The following RASA3 variants were observed in gnomAD, a reference collection of about 807,000 sequenced individuals.
RASA3 encodes the protein RAS p21 protein activator 3, also known as ras GTPase-activating protein 3.
Under a neutral mutation model 110.0 loss-of-function variants are expected in RASA3, and 73 were observed. The observed-to-expected ratio is 0.66, with a 90% CI of 0.55 to 0.81. The LOEUF is 0.81. Among genes scored for constraint, RASA3 ranks in the 30% least tolerant of loss-of-function variants. The probability of loss-of-function intolerance (pLI) is 0.00; values close to 1 mark genes in which losing one functional copy is unlikely to be tolerated. For missense variants in RASA3, 976 were observed against 1,113.2 expected, an observed-to-expected ratio of 0.88 and a Z score of 1.75; for synonymous variants, 500 against 451.4, an observed-to-expected ratio of 1.11 and a Z score of -1.37.
chr13:114,017,956 C>G, intron 11 of RASA3, 148 bp downstream of exon 11: 1 of 900,292 alleles, frequency 1.1e-6, no homozygotes, highest in Non-Finnish European at 1.6e-6. Flanking sequence ...TTAACTGGGT[C>G]TGTGAAAGAA....
chr13:114,013,620 ATCTGTC>A (rs1308826108), intron 14 of RASA3, among the ~76,000 whole-genome samples: 3 of 60,232 alleles, frequency 5.0e-5, no homozygotes, highest in African/African-American at 1.4e-4. Flanking sequence ...CCCCCCCTCC[ATCTGTC>A]TCTCTCTCTC....
At chr13:114,049,794 G>A (rs755513807) in intron 3 of RASA3, among the ~76,000 whole-genome samples, 2 of 152,220 alleles carry the variant, frequency 1.3e-5, no homozygotes, top group African/African-American at 4.8e-5. Flanking sequence ...ACACAGGAGC[G>A]AGACACAGGC....
At chr13:114,063,854 T>G (rs1476003542) in intron 2 of RASA3, among the ~76,000 whole-genome samples, 1 of 152,208 alleles carries the variant, frequency 6.6e-6, no homozygotes, top group African/African-American at 2.4e-5. Flanking sequence ...TTCTACAGTT[T>G]GCTAAACCGG....
At chr13:114,012,333 C>A (rs185241285) in intron 15 of RASA3, among the ~76,000 whole-genome samples, 45 of 146,190 alleles carry the variant, frequency 3.1e-4, no homozygotes, top group African/African-American at 1.2e-3. Context: ...ACCGTCCACA[C>A]ACTCCACACA....
chr13:114,002,495 T>TG lies in RASA3; in HGVS notation c.1743-1564dup, dbSNP rs956686691. Among the ~76,000 whole-genome samples, 12 of 141,108 alleles carry TG rather than the reference T, an allele frequency of 8.5e-5. No individual in the cohort carries two copies. The East Asian group carries it at 9.6e-4, about 11-fold the overall frequency. 92.6% of individuals were successfully genotyped at this position (141,108 alleles called of 152,430 possible). ...GGGCGGGGCCTACACAGACGGGGGT[T>TG]GGGGGGGGACTGGGAGCTCCACGAC... On this transcript the variant is annotated intron_variant, in intron 18 of 23. Coordinates refer to ENST00000334062, the MANE Select transcript of RASA3 (RefSeq NM_007368.4).
chr13:114,051,503 G>C (rs2079145963), intron 3 of RASA3, among the ~76,000 whole-genome samples: 1 of 152,238 alleles, frequency 6.6e-6, no homozygotes, highest in Admixed American at 6.5e-5. Context: ...CCGCCTTCCT[G>C]TGATACCAGG....
rs767737510 is a variant in RASA3, at chr13:114,018,147, G to C, written c.1048C>G (p.Pro350Ala). The C allele has an allele frequency of 6.5e-7, 1 of 1,550,278 alleles. No homozygotes were observed. Among genetic ancestry groups the C allele is most frequent in the Admixed American group, 2.0e-5 (1 of 51,008 alleles). ...RLFLHYGRVV[P>A]FISAIASAEV... The stretch of plus-strand genomic sequence containing the variant: ...GCGCTGGCGATGGCACTGATGAATG[G>C]CACCACCCTGCCATAGTGTAGGAAG... The change falls in exon 11 of 24, where the codon CCA becomes GCA. Residue 350 changes from proline to alanine, a missense_variant. Coordinates refer to ENST00000334062, the MANE Select transcript of RASA3 (RefSeq NM_007368.4).
At chr13:114,041,164 C>G in intron 3 of RASA3, 70 bp from the exon 4 acceptor site, 1 of 1,305,522 alleles carries the variant, frequency 7.7e-7, no homozygotes, top group African/African-American at 1.5e-5. Flanking sequence ...TGAGCAGAAG[C>G]CAGCCCATCA....
chr13:114,079,011 A>G (rs973618133), intron 1 of RASA3, among the ~76,000 whole-genome samples: 1 of 152,256 alleles, frequency 6.6e-6, no homozygotes, highest in Non-Finnish European at 1.5e-5. Context: ...GGCTGGCCTC[A>G]TGTACTGCTC....
chr13:114,023,596 C>T (rs988558960), intron 8 of RASA3, among the ~76,000 whole-genome samples: 3 of 152,366 alleles, frequency 2.0e-5, no homozygotes, highest in East Asian at 1.9e-4. Flanking sequence ...CACATTCTGA[C>T]GCCTGCCCTC....
rs2079095110 is a variant in RASA3, at chr13:114,048,719, T to C, written c.277+3333A>G. On this transcript the variant is annotated intron_variant, in intron 3 of 23. Transcript: ENST00000334062. The surrounding 1 kb of genome is among the most constrained non-coding windows in gnomAD (Gnocchi z 4.3). ...ACGGCCCTGCAGCTGGGAGCCCGGCTTGACTGACAGTTCCCGCCGGCAGCA... is the reference window on the plus strand; with the variant it reads ...ACGGCCCTGCAGCTGGGAGCCCGGCCTGACTGACAGTTCCCGCCGGCAGCA... Among the ~76,000 whole-genome samples, 1 of 152,172 alleles carries C rather than the reference T, an allele frequency of 6.6e-6. No homozygotes were observed. Among genetic ancestry groups the C allele is most frequent in the Non-Finnish European group, 1.5e-5 (1 of 68,020 alleles).
chr13:114,126,665 T>C (rs769604138), intron 1 of RASA3, among the ~76,000 whole-genome samples: 2 of 152,240 alleles, frequency 1.3e-5, no homozygotes, highest in Non-Finnish European at 2.9e-5. Context: ...TTTGCTTACA[T>C]AGAAGTCCAG....
chr13:114,045,262 T>C (rs1232865506), intron 3 of RASA3, among the ~76,000 whole-genome samples: 2 of 152,204 alleles, frequency 1.3e-5, no homozygotes, highest in African/African-American at 4.8e-5. Flanking sequence ...TCTATTTGAG[T>C]CACACCGAAA....
intron 3 of RASA3, 30 bp from the exon 4 acceptor site, chr13:114,041,124 C>G: frequency 6.3e-7 from 1 of 1,591,988 alleles, no homozygotes; most frequent in Non-Finnish European, 8.6e-7. Flanking sequence ...GACTTCACCA[C>G]GGGCACAGGC....
chr13:114,011,888 C>T lies in RASA3; in HGVS notation c.1513-640G>A, dbSNP rs1024889366. 4.0e-5 allele frequency among the ~76,000 whole-genome samples: 6 copies of T among 151,800 alleles called. No homozygotes were observed. Among genetic ancestry groups the T allele is most frequent in the Admixed American group, 3.3e-4 (5 of 15,240 alleles). ...AGTGAGCTGAGATGGTACCACTGCA[C>T]GCCAGCCTGGTGACAGAGCAAGACT... On this transcript the variant is annotated intron_variant, in intron 15 of 23. Transcript: ENST00000334062. The surrounding 1 kb of genome is among the most constrained non-coding windows in gnomAD (Gnocchi z 4.8).
At chr13:114,081,216 C>G (rs145326381) in intron 1 of RASA3, among the ~76,000 whole-genome samples, 8 of 150,478 alleles carry the variant, frequency 5.3e-5, no homozygotes, top group African/African-American at 2.0e-4. Flanking sequence ...ACGGGCCACA[C>G]AGGAGATGCT....
At chr13:114,026,147 T>C (rs1223023824) in intron 7 of RASA3, among the ~76,000 whole-genome samples, 3 of 152,318 alleles carry the variant, frequency 2.0e-5, no homozygotes, top group African/African-American at 7.2e-5. Context: ...GTGCACACAG[T>C]AGAAACAGCA....
chr13:114,011,529 G>A lies in RASA3; in HGVS notation c.1513-281C>T, dbSNP rs1052104958. On this transcript the variant is annotated intron_variant, in intron 15 of 23. Coordinates refer to ENST00000334062, the MANE Select transcript of RASA3 (RefSeq NM_007368.4). This position sits in a 1 kb window ranked among gnomAD's most constrained non-coding sequence, Gnocchi z 4.8. ...GTGCATCTCAAAGTCGAAAGCATCA[G>A]GTGGGGTCATGGCTCTGGGGCGCTG... 6.6e-6 allele frequency among the ~76,000 whole-genome samples: 1 copy of A among 152,092 alleles called. No individual in the cohort carries two copies. Among genetic ancestry groups the A allele is most frequent in the Non-Finnish European group, 1.5e-5 (1 of 68,012 alleles).
At chr13:114,029,914 G>A (rs1428481819) in intron 4 of RASA3, 27 bp from the exon 5 acceptor site, 1 of 1,541,932 alleles carries the variant, frequency 6.5e-7, no homozygotes, top group African/African-American at 1.4e-5. Flanking sequence ...TGGGGTGTCA[G>A]AGGCTGTGGC....
Sources: allele counts gnomAD v4.1 joint callset (sites outside exome capture counted in the v4.1 genomes callset), GRCh38; gene constraint gnomAD v4.1.1; non-coding constraint Gnocchi (gnomAD v3.1); transcripts MANE v1.5; gene names NCBI Gene and HGNC (gene_info 2026-07-23, HGNC 2026-07-21).